Variants in PIEZO2 observed in about 807,000 individuals in gnomAD.
PIEZO2 encodes piezo type mechanosensitive ion channel component 2, also known as piezo-type mechanosensitive ion channel component 2.
In PIEZO2, 172 loss-of-function variants were observed where a neutral mutation model predicts 337.3. The observed-to-expected ratio is 0.51, with a 90% CI of 0.45 to 0.58. The LOEUF (loss-of-function observed/expected upper bound fraction) is 0.58, where lower values mean the gene tolerates loss of function less well. Among genes scored for constraint, PIEZO2 ranks in the 20% least tolerant of loss-of-function variants. The pLI is 0.00. For missense variants in PIEZO2, 3,028 were observed against 3,391.3 expected (o/e 0.89, Z 2.66); for synonymous variants, 1,251 against 1,228.5 (o/e 1.02, Z -0.38).
chr18:10,696,174 A>G lies in PIEZO2; in HGVS notation c.7090T>C (p.Tyr2364His). ...TTTCCCAGTACAGTCTTCCTGAGGT[A>G]GAGGGCTCGGTCCACCACCATGGTT... ...FGTMVVDRAL[Y>H]LRKTVLGKVI... is the part of the protein sequence containing the mutation. Residue 2364 changes from tyrosine to histidine, a missense_variant, in exon 47 of 56, where the codon TAC becomes CAC. Tyr to His is a moderately conservative substitution (Grantham distance 83). Transcript: ENST00000674853. 1 of 1,614,026 alleles carries G rather than the reference A, an allele frequency of 6.2e-7. No individual in the cohort carries two copies.
chr18:10,886,378 G>GTATA (rs1214519492), intron 4 of PIEZO2, among the ~76,000 whole-genome samples: 76 of 3,174 alleles, frequency 0.024, 4 homozygotes, highest in Non-Finnish European at 0.033. Flanking sequence ...ATGTGTGTGT[G>GTATA]TGTATATATA....
rs2041819630 is a variant in PIEZO2, at chr18:10,859,592, G to T, written c.493-2381C>A. Among the ~76,000 whole-genome samples the T allele has an allele frequency of 6.6e-6, 1 of 152,196 alleles. No homozygotes were observed. On this transcript the variant is annotated intron_variant, in intron 5 of 55. Transcript: ENST00000674853. The surrounding 1 kb of genome is among the most constrained non-coding windows in gnomAD (Gnocchi z 4.9). ...TGGATCACCCCTGTTAACAGGCAAG[G>T]GCGCCTTGCTGTCTCACCTTAAAGA...
In PIEZO2 at chr18:11,028,566, G is replaced by A. The variant is rs760585410; in HGVS notation, c.160+37561C>T. On this transcript the variant is annotated intron_variant, in intron 2 of 55. Transcript: ENST00000674853. This position sits in a 1 kb window ranked among gnomAD's most constrained non-coding sequence, Gnocchi z 4.8. ...GTGAGCTACCGCACCCAGTCTATAC[G>A]TGGCCATCTTATATGGTCATTGACA... Among the ~76,000 whole-genome samples, 5 of 152,118 alleles carry A rather than the reference G, an allele frequency of 3.3e-5. No individual in the cohort carries two copies. The highest frequency in any genetic ancestry group is 2.1e-4 in the South Asian group (1 of 4,824).
chr18:11,093,735 CA>C (rs900697093), intron 1 of PIEZO2, among the ~76,000 whole-genome samples: 2 of 151,870 alleles, frequency 1.3e-5, no homozygotes, highest in African/African-American at 4.8e-5. Context: ...TACAGGCGCC[CA>C]CCACCATCAA....
chr18:10,835,940 T>C (rs1186785385), intron 7 of PIEZO2, among the ~76,000 whole-genome samples: 2 of 152,226 alleles, frequency 1.3e-5, no homozygotes, highest in Non-Finnish European at 1.5e-5. Context: ...GTTTTTATAG[T>C]AATGTCCTTT....
intron 2 of PIEZO2, among the ~76,000 whole-genome samples, chr18:11,045,226 G>A (rs763795688): frequency 2.7e-5 from 4 of 147,534 alleles, no homozygotes; most frequent in South Asian, 2.2e-4. Context: ...GCGTGAACCC[G>A]GGAGGCAGAG....
intron 3 of PIEZO2, among the ~76,000 whole-genome samples, chr18:10,961,922 T>C (rs2033800116): frequency 6.6e-6 from 1 of 152,208 alleles, no homozygotes; most frequent in African/African-American, 2.4e-5. Flanking sequence ...GATCCATTAA[T>C]GAAAACATCT....
chr18:11,053,668 T>C (rs1349615388), intron 2 of PIEZO2, among the ~76,000 whole-genome samples: 2 of 152,348 alleles, frequency 1.3e-5, no homozygotes, highest in East Asian at 3.9e-4. Context: ...TCTTCTACCA[T>C]ATTGACCAGT....
chr18:11,023,206 G>C (rs1057152403), intron 2 of PIEZO2, among the ~76,000 whole-genome samples: 3 of 152,160 alleles, frequency 2.0e-5, no homozygotes, highest in Non-Finnish European at 4.4e-5. Context: ...GGCTCGGGCA[G>C]CCTGCTTTTA....
intron 1 of PIEZO2, among the ~76,000 whole-genome samples, chr18:11,068,299 T>C (rs1022536148): frequency 6.6e-6 from 1 of 152,164 alleles, no homozygotes; most frequent in African/African-American, 2.4e-5. Flanking sequence ...GTCTCAACAA[T>C]TTTAAGAAAA....
In PIEZO2 at chr18:10,707,033, G is replaced by A. The variant is rs1343430639; in HGVS notation, c.5588+1242C>T. Among the ~76,000 whole-genome samples the A allele has an allele frequency of 6.6e-6, 1 of 152,196 alleles. No individual in the cohort carries two copies. The highest frequency in any genetic ancestry group is 2.4e-5 in the African/African-American group (1 of 41,464). ...TGTGACTGAAGAACCAGATTGGCCTGAGCTTTTGATGCCCGCTCAGGTGTT... is the reference window on the plus strand; with the variant it reads ...TGTGACTGAAGAACCAGATTGGCCTAAGCTTTTGATGCCCGCTCAGGTGTT... On this transcript the variant is annotated intron_variant, in intron 40 of 55. Transcript: ENST00000674853. The surrounding 1 kb of genome is among the most constrained non-coding windows in gnomAD (Gnocchi z 4.2).
Position 11,077,495 on chromosome 18 carries a change from C to T in PIEZO2, c.65-11273G>A, listed in dbSNP as rs947119800. Among the ~76,000 whole-genome samples, 2 of 152,044 alleles carry T rather than the reference C, an allele frequency of 1.3e-5. No homozygotes were observed. Among genetic ancestry groups the T allele is most frequent in the African/African-American group, 4.8e-5 (2 of 41,394 alleles). On this transcript the variant is annotated intron_variant, in intron 1 of 55. Coordinates refer to ENST00000674853, the MANE Select transcript of PIEZO2 (RefSeq NM_001378183.1). The surrounding 1 kb of genome is among the most constrained non-coding windows in gnomAD (Gnocchi z 4.8). ...CAACCTGGGCAACATAGTGAGACCC[C>T]CATCTCCACACAAAAAAAGAAAAAA...
intron 2 of PIEZO2, among the ~76,000 whole-genome samples, chr18:11,039,285 A>G (rs2145798497): frequency 6.6e-6 from 1 of 152,356 alleles, no homozygotes; most frequent in South Asian, 2.1e-4. Flanking sequence ...AATTTTGCAG[A>G]CAAATGGAAC....
In PIEZO2 at chr18:11,078,376, G is replaced by A. The variant is rs759225244; in HGVS notation, c.65-12154C>T. 1.3e-5 allele frequency among the ~76,000 whole-genome samples: 2 copies of A among 152,074 alleles called. No individual in the cohort carries two copies. The highest frequency in any genetic ancestry group is 2.4e-5 in the African/African-American group (1 of 41,398). Reference sequence around the variant, plus strand: ...CTTGGACTGAGGTGTGCATTAACACGAAAAGAAATCAATTCAACTAACTAT... The same window carrying A: ...CTTGGACTGAGGTGTGCATTAACACAAAAAGAAATCAATTCAACTAACTAT... On this transcript the variant is annotated intron_variant, in intron 1 of 55. Coordinates refer to ENST00000674853, the MANE Select transcript of PIEZO2 (RefSeq NM_001378183.1). The surrounding 1 kb of genome is among the most constrained non-coding windows in gnomAD (Gnocchi z 5.3).
Position 10,705,937 on chromosome 18 carries a change from A to G in PIEZO2, c.5589-191T>C, listed in dbSNP as rs11661941. Among the ~76,000 whole-genome samples the G allele has an allele frequency of 0.29, 44,789 of 152,006 alleles. 6,774 individuals are homozygous for G. The highest frequency in any genetic ancestry group is 0.4 in the East Asian group (2,052 of 5,146). On this transcript the variant is annotated intron_variant, in intron 40 of 55. Coordinates refer to ENST00000674853, the MANE Select transcript of PIEZO2 (RefSeq NM_001378183.1). ...GCCACTGCAAACAGCAGCCTCTCCA[A>G]TGCAAATGTTGACAGTGCACACACA...
intron 11 of PIEZO2, among the ~76,000 whole-genome samples, chr18:10,800,098 T>C (rs1038616294): frequency 2.6e-5 from 4 of 152,186 alleles, no homozygotes; most frequent in East Asian, 1.9e-4. Context: ...TAAAATACTA[T>C]TTTCACCTTT....
rs930633334 is a variant in PIEZO2, at chr18:10,803,156, G to A, written c.1200+719C>T. 3.3e-5 allele frequency among the ~76,000 whole-genome samples: 5 copies of A among 152,060 alleles called. No individual in the cohort carries two copies. The South Asian group carries it at 6.2e-4, about 19-fold the overall frequency. ...AACCCATTGGCATATCATGCACCCC[G>A]ACTGGATCATTTATCCACGTGCTGT... is the stretch of plus-strand genomic sequence containing the variant. On this transcript the variant is annotated intron_variant, in intron 9 of 55. Transcript: ENST00000674853.
At chr18:10,851,179 C>A (rs1379244853) in intron 7 of PIEZO2, among the ~76,000 whole-genome samples, 1 of 83,794 alleles carries the variant, frequency 1.2e-5, no homozygotes, top group Non-Finnish European at 2.5e-5. Context: ...TTTTGCCAGT[C>A]TGCAGTTTGT....
chr18:10,939,471 T>C (rs1034192290), intron 3 of PIEZO2, among the ~76,000 whole-genome samples: 8 of 152,302 alleles, frequency 5.3e-5, no homozygotes, highest in African/African-American at 1.9e-4. Flanking sequence ...TGCATACCTG[T>C]GTGTATTGCA....
Sources: allele counts gnomAD v4.1 joint callset (sites outside exome capture counted in the v4.1 genomes callset), GRCh38; gene constraint gnomAD v4.1.1; non-coding constraint Gnocchi (gnomAD v3.1); transcripts MANE v1.5; gene names NCBI Gene and HGNC (gene_info 2026-07-23, HGNC 2026-07-21).